The following DCUN1D4 variants were observed in gnomAD, a reference collection of about 807,000 sequenced individuals.
DCUN1D4 encodes the protein DCN1-like protein 4.
DCUN1D4 carries 22 observed loss-of-function variants against 47.9 expected under a neutral mutation model. The ratio of observed to expected loss-of-function variants is 0.46; its 90% confidence interval spans 0.33 to 0.66. The LOEUF is 0.66. Among genes scored for constraint, DCUN1D4 ranks in the 30% least tolerant of loss-of-function variants. The pLI is 0.02. For missense variants in DCUN1D4, 301 were observed against 340.8 expected (o/e 0.88, Z 0.92); for synonymous variants, 121 against 112.2 (o/e 1.08, Z -0.50).
chr4:51,891,825 G>A lies in DCUN1D4; in HGVS notation c.480G>A (p.Glu160=). The change falls in exon 7 of 11, where the codon GAG becomes GAA. Residue 160 remains glutamate (E), a synonymous_variant. Transcript: ENST00000334635. ...AQNMGYFTLQ[E]WLKGMTSLQC... is the part of the protein sequence containing the mutation. ...ACATGGGTTATTTTACTCTACAGGA[G>A]TGGTTAAAAGGAATGACTTCTCTCC... The A allele has an allele frequency of 3.1e-6, 5 of 1,612,288 alleles. No individual in the cohort carries two copies. Among genetic ancestry groups the A allele is most frequent in the Non-Finnish European group, 4.2e-6 (5 of 1,179,036 alleles).
At chr4:51,861,431 G>T (rs1010348510) in intron 1 of DCUN1D4, among the ~76,000 whole-genome samples, 1 of 152,096 alleles carries the variant, frequency 6.6e-6, no homozygotes, top group African/African-American at 2.4e-5. Flanking sequence ...AGGATAACTT[G>T]TGTTTCTTGT....
chr4:51,861,592 C>A (rs1253553894), intron 1 of DCUN1D4, among the ~76,000 whole-genome samples: 2 of 152,170 alleles, frequency 1.3e-5, no homozygotes, highest in African/African-American at 4.8e-5. Flanking sequence ...GAAGAGACCT[C>A]ATTGCTGGAA....
chr4:51,889,364 C>G (rs1047514324), intron 6 of DCUN1D4, among the ~76,000 whole-genome samples: 1 of 152,178 alleles, frequency 6.6e-6, no homozygotes, highest in Non-Finnish European at 1.5e-5. Context: ...ATTTAAAACC[C>G]TCACTTTGCC....
intron 5 of DCUN1D4, among the ~76,000 whole-genome samples, chr4:51,878,194 A>T (rs1410944049): frequency 6.6e-6 from 1 of 152,146 alleles, no homozygotes; most frequent in Non-Finnish European, 1.5e-5. Flanking sequence ...GCTGCTTTGA[A>T]CCCTTACTTA....
chr4:51,843,519 T>C, intron 1 of DCUN1D4: 2 of 1,278,440 alleles, frequency 1.6e-6, no homozygotes, highest in Non-Finnish European at 2.0e-6. Context: ...ACTGGCTCTC[T>C]TTCAGTGTTG....
chr4:51,913,250 T>G (rs768832262), intron 9 of DCUN1D4, 40 bp from the exon 10 acceptor site: 135 of 1,307,852 alleles, frequency 1.0e-4, no homozygotes, highest in Admixed American at 2.2e-4. Context: ...ATTTGTTCAT[T>G]TTAAGTGTCA....
chr4:51,880,210 T>C (rs1387069136), intron 5 of DCUN1D4, among the ~76,000 whole-genome samples: 2 of 152,094 alleles, frequency 1.3e-5, no homozygotes, highest in African/African-American at 4.8e-5. Flanking sequence ...AAATGAATCG[T>C]GAGAAGAACC....
intron 1 of DCUN1D4, among the ~76,000 whole-genome samples, chr4:51,845,815 T>A (rs928519510): frequency 3.3e-5 from 5 of 152,222 alleles, no homozygotes; most frequent in Non-Finnish European, 5.9e-5. Context: ...TACTTGATTG[T>A]TTGATGGTTC....
chr4:51,844,855 T>C, intron 1 of DCUN1D4: 1 of 985,190 alleles, frequency 1.0e-6, no homozygotes, highest in South Asian at 4.7e-5. Flanking sequence ...GGTCCCGGCA[T>C]GCAGCGCGCC....
intron 4 of DCUN1D4, 41 bp downstream of exon 4, chr4:51,874,426 T>C: frequency 6.9e-7 from 1 of 1,451,822 alleles, no homozygotes; most frequent in Non-Finnish European, 9.6e-7. Context: ...GTGATACATA[T>C]GTCGAAGATG....
At chr4:51,892,850 T>C (rs1369739038) in intron 7 of DCUN1D4, among the ~76,000 whole-genome samples, 1 of 152,240 alleles carries the variant, frequency 6.6e-6, no homozygotes, top group Non-Finnish European at 1.5e-5. Context: ...TGGGATGACT[T>C]TCTTTTCACT....
chr4:51,836,141 C>T, the DCUN1D4 span, among the ~76,000 whole-genome samples: 1 of 152,120 alleles, frequency 6.6e-6, no homozygotes, highest in Admixed American at 6.5e-5. Flanking sequence ...TTCCCTAAAG[C>T]CCCTGGCTTT....
At chr4:51,847,086 C>T (rs1426205317) in intron 1 of DCUN1D4, among the ~76,000 whole-genome samples, 1 of 152,134 alleles carries the variant, frequency 6.6e-6, no homozygotes, top group Non-Finnish European at 1.5e-5. Context: ...TGGCATTTAC[C>T]AGCATCTCTT....
At chr4:51,893,732 A>T (rs1422599186) in intron 7 of DCUN1D4, among the ~76,000 whole-genome samples, 1 of 152,184 alleles carries the variant, frequency 6.6e-6, no homozygotes, top group Non-Finnish European at 1.5e-5. Context: ...ATCATTGCTG[A>T]GTAGAGCAGC....
At chr4:51,843,739 G>A in intron 1 of DCUN1D4, 4 of 1,210,046 alleles carry the variant, frequency 3.3e-6, no homozygotes, top group Non-Finnish European at 3.1e-6. Context: ...CGTGAGAAAG[G>A]CGGGTGAGTG....
chr4:51,843,580 G>A (rs1278965730), intron 1 of DCUN1D4: 1 of 1,282,644 alleles, frequency 7.8e-7, no homozygotes, highest in East Asian at 3.2e-5. Flanking sequence ...GGAGTGTCCG[G>A]GGTGCATGGA....
At chr4:51,899,194 G>A in intron 7 of DCUN1D4, 76 bp from the exon 8 acceptor site, 2 of 1,458,638 alleles carry the variant, frequency 1.4e-6, no homozygotes, top group Non-Finnish European at 1.8e-6. Flanking sequence ...TTGGTATTGT[G>A]TTTATATTAC....
chr4:51,846,665 G>T (rs903179867), intron 1 of DCUN1D4, among the ~76,000 whole-genome samples: 3 of 152,146 alleles, frequency 2.0e-5, no homozygotes, highest in Non-Finnish European at 4.4e-5. Context: ...ATGATCTCTT[G>T]TATCAGTTAG....
At chr4:51,909,774 T>C (rs1236327134) in intron 8 of DCUN1D4, among the ~76,000 whole-genome samples, 1 of 152,188 alleles carries the variant, frequency 6.6e-6, no homozygotes, top group Non-Finnish European at 1.5e-5. Context: ...TGACCTGGTC[T>C]ATTCATGGAC....
Sources: gnomAD v4.1 joint callset for allele counts (sites outside exome capture counted in the v4.1 genomes callset) on GRCh38, gnomAD v4.1.1 for gene constraint, MANE v1.5 for transcripts, NCBI Gene and HGNC (gene_info 2026-07-23, HGNC 2026-07-21) for gene names.